Variants in RARB observed in about 807,000 individuals in gnomAD.
RARB encodes HBV-activated protein.
In RARB, 17 loss-of-function variants were observed where a neutral mutation model predicts 51.9. The ratio of observed to expected loss-of-function variants is 0.33; its 90% CI spans 0.22 to 0.49. The LOEUF (loss-of-function observed/expected upper bound fraction) is 0.49, where lower values mean the gene tolerates loss of function less well. RARB is among the 20% of genes least tolerant of loss of function. The pLI, the probability that RARB is intolerant of heterozygous loss-of-function variation, is 0.99. For missense variants in RARB, 369 were observed against 550.8 expected (o/e 0.67, Z 3.30); for synonymous variants, 215 against 195.4 (o/e 1.10, Z -0.84).
Position 25,040,504 on chromosome 3 carries a change from C to T in RARB, c.-379-19621C>T, listed in dbSNP as rs143024886. ...TCTCAGCACTTTGGGAGGCCTAGGT[C>T]GGCAGATCGCTTGAGGACAGAAGTT... On this transcript the variant is annotated intron_variant, in intron 2 of 11. Coordinates refer to the RARB transcript ENST00000383772. Among the ~76,000 whole-genome samples, 706 of 152,148 alleles carry T rather than the reference C, an allele frequency of 4.6e-3. 2 individuals carry two copies. The highest frequency in any genetic ancestry group is 0.015 in the African/African-American group (613 of 41,508).
intron 5 of RARB, among the ~76,000 whole-genome samples, chr3:25,320,231 G>A (rs1246776986): frequency 6.6e-6 from 1 of 152,050 alleles, no homozygotes; most frequent in African/African-American, 2.4e-5. Flanking sequence ...GATGTTTTCA[G>A]AAAGAATATT....
At chr3:24,912,997 TG>T (rs1475053041) in intron 2 of RARB, among the ~76,000 whole-genome samples, 2 of 134,640 alleles carry the variant, frequency 1.5e-5, no homozygotes, top group Non-Finnish European at 3.1e-5. Context: ...TTTTTTTTTT[TG>T]GAGACAGAGT....
At position 24,912,972 on chromosome 3, in the gene RARB, A is replaced by ATTTTTTTTTTTTTTTTTTTTTTTTTTTT. The variant is rs71622787; in HGVS notation, c.-380+54222_-380+54223insTTTTTTTTTTTTTTTTTTTTTTTTTTTT. Among the ~76,000 whole-genome samples the ATTTTTTTTTTTTTTTTTTTTTTTTTTTT allele has an allele frequency of 8.7e-5, 5 of 57,634 alleles. 1 individual carries two copies. Among genetic ancestry groups the ATTTTTTTTTTTTTTTTTTTTTTTTTTTT allele is most frequent in the Non-Finnish European group, 1.5e-4 (4 of 27,522 alleles). 37.8% of individuals were successfully genotyped at this position (57,634 alleles called of 152,430 possible). ...GTGGCAATACGCACACAAGGTACTGATTCTTTTTTTTTTTTTTTTTTTTTT... is the reference window on the plus strand; with the variant it reads ...GTGGCAATACGCACACAAGGTACTGATTTTTTTTTTTTTTTTTTTTTTTTTTTTTTCTTTTTTTTTTTTTTTTTTTTTT... On this transcript the variant is annotated intron_variant, in intron 2 of 11. Coordinates refer to the RARB transcript ENST00000383772.
intron 3 of RARB, among the ~76,000 whole-genome samples, chr3:25,095,774 G>A (rs1323728620): frequency 6.6e-6 from 1 of 152,150 alleles, no homozygotes; most frequent in East Asian, 1.9e-4. Flanking sequence ...CTCTGGAGAA[G>A]AATGATAGAA....
At chr3:25,332,765 A>C (rs1320139330) in intron 5 of RARB, among the ~76,000 whole-genome samples, 1 of 152,324 alleles carries the variant, frequency 6.6e-6, no homozygotes, top group South Asian at 2.1e-4. Context: ...ATGATTGTAT[A>C]TTTAGAAAAC....
intron 5 of RARB, among the ~76,000 whole-genome samples, chr3:25,251,376 G>A (rs929989260): frequency 6.6e-6 from 1 of 151,744 alleles, no homozygotes; most frequent in African/African-American, 2.4e-5. Flanking sequence ...AATTTTCTTG[G>A]GTATATACCC....
At chr3:25,513,243 C>T (rs571584059) in intron 3 of RARB, among the ~76,000 whole-genome samples, 2 of 151,748 alleles carry the variant, frequency 1.3e-5, no homozygotes, top group Admixed American at 6.6e-5. Context: ...GCTGAGATCG[C>T]GCCACCGCAC....
intron 2 of RARB, among the ~76,000 whole-genome samples, chr3:24,913,152 G>GT (rs1219418219): frequency 6.6e-6 from 1 of 150,886 alleles, no homozygotes; most frequent in Non-Finnish European, 1.5e-5. Context: ...GGCTAATTTT[G>GT]TTTTTGTATT....
chr3:25,366,572 CAACAT>C (rs1333905964), intron 5 of RARB, among the ~76,000 whole-genome samples: 9 of 152,086 alleles, frequency 5.9e-5, no homozygotes, highest in Admixed American at 2.6e-4. Context: ...TTGGAAAACT[CAACAT>C]AAAGGAAATA....
chr3:24,922,497 T>C (rs1695236354), intron 2 of RARB, among the ~76,000 whole-genome samples: 1 of 152,156 alleles, frequency 6.6e-6, no homozygotes, highest in South Asian at 2.1e-4. Flanking sequence ...GTATTTATTG[T>C]CCCCATTTTA....
chr3:25,572,920 A>G (rs1222781996), intron 4 of RARB, among the ~76,000 whole-genome samples: 22 of 152,136 alleles, frequency 1.4e-4, no homozygotes, highest in Admixed American at 1.4e-3. Flanking sequence ...GGGCAGGACA[A>G]ACACAACGTA....
At chr3:25,157,075 G>A (rs1032686811) in intron 4 of RARB, among the ~76,000 whole-genome samples, 1 of 152,158 alleles carries the variant, frequency 6.6e-6, no homozygotes. Flanking sequence ...TCTAAAAAAG[G>A]ATGTATGTAT....
At chr3:25,113,384 G>A (rs1465238841) in intron 3 of RARB, among the ~76,000 whole-genome samples, 1 of 151,976 alleles carries the variant, frequency 6.6e-6, no homozygotes, top group African/African-American at 2.4e-5. Context: ...GTTCATTCTG[G>A]TTTATTTTGA....
At chr3:25,079,365 T>C (rs1698944688) in intron 3 of RARB, among the ~76,000 whole-genome samples, 2 of 152,204 alleles carry the variant, frequency 1.3e-5, no homozygotes, top group African/African-American at 4.8e-5. Context: ...TAATTCTTTT[T>C]CTTGCCTCAT....
chr3:25,461,866 A>G (rs1053780563), intron 2 of RARB, among the ~76,000 whole-genome samples: 3 of 152,240 alleles, frequency 2.0e-5, no homozygotes, highest in African/African-American at 7.2e-5. Flanking sequence ...CTGCACTCCA[A>G]CCTGGACAAC....
At chr3:24,903,187 G>A (rs1349750736) in intron 2 of RARB, among the ~76,000 whole-genome samples, 1 of 152,022 alleles carries the variant, frequency 6.6e-6, no homozygotes, top group Non-Finnish European at 1.5e-5. Flanking sequence ...AACTTGAAGT[G>A]ATTTTTTATC....
chr3:25,349,167 G>A (rs924870075), intron 5 of RARB, among the ~76,000 whole-genome samples: 2 of 152,192 alleles, frequency 1.3e-5, no homozygotes, highest in African/African-American at 4.8e-5. Context: ...GAAGGATGGT[G>A]CATCCTCTTT....
rs1337458176 is a variant in RARB at position 25,447,950 on chromosome 3, AATG to A, written c.158-13240_158-13238del. On this transcript the variant is annotated intron_variant, in intron 1 of 7. Transcript: ENST00000330688. ...TTCATCAGCATAAGCATGATACAAT[AATG>A]ATAATAATTGCTTGTGTAACACTAT... Among the ~76,000 whole-genome samples, 10 of 152,308 alleles carry A rather than the reference AATG, an allele frequency of 6.6e-5. No homozygotes were observed. In the East Asian group the frequency reaches 1.5e-3, roughly 24 times the overall value.
At chr3:24,905,149 C>A (rs1559390047) in intron 2 of RARB, among the ~76,000 whole-genome samples, 1 of 152,066 alleles carries the variant, frequency 6.6e-6, no homozygotes, top group Non-Finnish European at 1.5e-5. Flanking sequence ...AATAAAATAA[C>A]CAAAGCCTTT....
Sources: gnomAD v4.1 joint callset for allele counts (sites outside exome capture counted in the v4.1 genomes callset) on GRCh38, gnomAD v4.1.1 for gene constraint, MANE v1.5 for transcripts, NCBI Gene and HGNC (gene_info 2026-07-23, HGNC 2026-07-21) for gene names.